Variants in NTM observed in about 807,000 individuals in gnomAD.
NTM encodes neurotrimin.
Under a neutral mutation model 42.1 loss-of-function variants are expected in NTM, and 13 were observed. The ratio of observed to expected loss-of-function variants is 0.31; its 90% confidence interval spans 0.20 to 0.49. The LOEUF is 0.49. NTM is among the 20% of genes least tolerant of loss of function. The pLI, the probability that NTM is intolerant of heterozygous loss-of-function variation, is 0.99. For synonymous variants in NTM, 187 were observed against 179.2 expected (o/e 1.04, Z -0.35); for missense variants, 373 against 452.8 (o/e 0.82, Z 1.60).
intron 1 of NTM, among the ~76,000 whole-genome samples, chr11:131,385,945 A>G (rs1255494375): frequency 2.0e-5 from 3 of 152,242 alleles, no homozygotes; most frequent in African/African-American, 7.2e-5. Context: ...TGGAATTACC[A>G]TATGACTCAG....
intron 1 of NTM, chr11:131,770,791 C>G (rs2085951819): frequency 6.6e-6 from 1 of 152,184 alleles, no homozygotes; most frequent in African/African-American, 2.4e-5. Context: ...TTAGCATCAC[C>G]ACCAGCTTCC....
chr11:131,926,584 G>C (rs996482715), intron 2 of NTM, among the ~76,000 whole-genome samples: 1 of 152,136 alleles, frequency 6.6e-6, no homozygotes, highest in East Asian at 1.9e-4. Flanking sequence ...GGATCTGGGG[G>C]GTCCTCGGTG....
At chr11:132,081,380 A>G (rs1054899216) in intron 2 of NTM, among the ~76,000 whole-genome samples, 2 of 152,200 alleles carry the variant, frequency 1.3e-5, no homozygotes, top group Non-Finnish European at 2.9e-5. Context: ...ATGTACATTG[A>G]CATCTTGTAG....
chr11:131,865,383 C>T (rs904179044), intron 1 of NTM, among the ~76,000 whole-genome samples: 4 of 152,074 alleles, frequency 2.6e-5, no homozygotes, highest in Non-Finnish European at 4.4e-5. Flanking sequence ...TCCAGAAGAC[C>T]CCTGAATGTG....
At chr11:131,991,300 A>G (rs910509623) in intron 2 of NTM, among the ~76,000 whole-genome samples, 1 of 152,186 alleles carries the variant, frequency 6.6e-6, no homozygotes, top group Non-Finnish European at 1.5e-5. Flanking sequence ...TGAGAACAGC[A>G]GTTCCACAAT....
intron 2 of NTM, among the ~76,000 whole-genome samples, chr11:132,035,892 C>G (rs762898516): frequency 1.3e-5 from 2 of 152,176 alleles, no homozygotes; most frequent in Non-Finnish European, 2.9e-5. Context: ...AGCAGCAAAT[C>G]TGCTTTAACA....
intron 4 of NTM, among the ~76,000 whole-genome samples, chr11:132,303,026 C>CTA (rs1362586105): frequency 6.6e-6 from 1 of 152,158 alleles, no homozygotes; most frequent in Non-Finnish European, 1.5e-5. Context: ...TGCAGACAGA[C>CTA]TATGTACTAG....
intron 4 of NTM, among the ~76,000 whole-genome samples, chr11:132,273,374 G>A (rs947681476): frequency 4.2e-5 from 5 of 120,150 alleles, no homozygotes; most frequent in Non-Finnish European, 8.1e-5. Flanking sequence ...AAAGATATTG[G>A]TCTGTAGTTT....
Position 131,766,074 on chromosome 11 carries a change from G to T in NTM, c.83-145490G>T, listed in dbSNP as rs10894441. On this transcript the variant is annotated intron_variant, in intron 1 of 8. Coordinates refer to ENST00000683400, the MANE Select transcript of NTM (RefSeq NM_001352005.2). The stretch of plus-strand genomic sequence containing the variant: ...TGACTAAACAATTGCCCTGGGCATG[G>T]AGGGGGCTGACTGAGGTCCCATACT... 1.1e-4 allele frequency among the ~76,000 whole-genome samples: 17 copies of T among 152,210 alleles called. No homozygotes were observed. The South Asian group carries it at 3.5e-3, about 32-fold the overall frequency.
At chr11:131,499,481 G>T (rs138887134) in intron 1 of NTM, among the ~76,000 whole-genome samples, 4 of 152,244 alleles carry the variant, frequency 2.6e-5, no homozygotes, top group Admixed American at 2.0e-4. Flanking sequence ...GCCTGCAGAA[G>T]GTCTCCCCAC....
At chr11:132,106,055 G>T (rs1352550169) in intron 2 of NTM, among the ~76,000 whole-genome samples, 1 of 152,058 alleles carries the variant, frequency 6.6e-6, no homozygotes, top group Non-Finnish European at 1.5e-5. Context: ...GGTGGATATT[G>T]GTCTGTAATA....
intron 2 of NTM, among the ~76,000 whole-genome samples, chr11:131,944,891 T>C (rs1159668094): frequency 6.6e-6 from 1 of 152,118 alleles, no homozygotes; most frequent in Non-Finnish European, 1.5e-5. Context: ...TTAGTTCAGT[T>C]TGGAATCATT....
rs901659071 is a variant in NTM at position 132,003,430 on chromosome 11, G to C, written c.167+91782G>C. ...CTGGCTAATTTTTAAATTTTATGTA[G>C]AGACAGACTGTCCTTATATTTCCCA... On this transcript the variant is annotated intron_variant, in intron 2 of 8. Coordinates refer to ENST00000683400, the MANE Select transcript of NTM (RefSeq NM_001352005.2). This position sits in a 1 kb window ranked among gnomAD's most constrained non-coding sequence, Gnocchi z 6.0. Among the ~76,000 whole-genome samples, 2 of 151,924 alleles carry C rather than the reference G, an allele frequency of 1.3e-5. No homozygotes were observed. The highest frequency in any genetic ancestry group is 2.1e-4 in the South Asian group (1 of 4,810).
At chr11:131,838,511 A>C (rs999233008) in intron 1 of NTM, among the ~76,000 whole-genome samples, 1 of 152,244 alleles carries the variant, frequency 6.6e-6, no homozygotes, top group Admixed American at 6.5e-5. Flanking sequence ...CATTTTCCAC[A>C]GGGAAATAAT....
At chr11:131,708,658 A>G (rs1440361616) in intron 1 of NTM, among the ~76,000 whole-genome samples, 22 of 152,228 alleles carry the variant, frequency 1.4e-4, no homozygotes, top group Non-Finnish European at 1.6e-4. Context: ...TCAATATAAT[A>G]CAAATCATGA....
intron 1 of NTM, among the ~76,000 whole-genome samples, chr11:131,652,751 C>A (rs1381111006): frequency 1.3e-5 from 2 of 152,118 alleles, no homozygotes; most frequent in East Asian, 1.9e-4. Flanking sequence ...TGAAAACAAG[C>A]AAACCAATGA....
At chr11:132,007,766 T>C (rs879933746) in intron 2 of NTM, among the ~76,000 whole-genome samples, 4 of 152,138 alleles carry the variant, frequency 2.6e-5, no homozygotes, top group Non-Finnish European at 5.9e-5. Context: ...GCATCAAACA[T>C]AGAGTCCAAC....
At chr11:131,752,951 G>A (rs1441895339) in intron 1 of NTM, among the ~76,000 whole-genome samples, 1 of 152,014 alleles carries the variant, frequency 6.6e-6, no homozygotes, top group Admixed American at 6.6e-5. Context: ...GAGTGAACAG[G>A]CAACCTACAA....
chr11:132,115,597 G>A (rs1364045319), intron 2 of NTM, among the ~76,000 whole-genome samples: 1 of 152,176 alleles, frequency 6.6e-6, no homozygotes, highest in Non-Finnish European at 1.5e-5. Context: ...TGTGGGAGGA[G>A]GCTCAGCCGT....
Sources: allele counts gnomAD v4.1 joint callset (sites outside exome capture counted in the v4.1 genomes callset), GRCh38; gene constraint gnomAD v4.1.1; non-coding constraint Gnocchi (gnomAD v3.1); transcripts MANE v1.5; gene names NCBI Gene and HGNC (gene_info 2026-07-23, HGNC 2026-07-21).